RBFOX1: variants seen among roughly 807,000 people sequenced by gnomAD.
RBFOX1 encodes RNA binding protein fox-1 homolog 1.
A neutral mutation model predicts 57.7 loss-of-function variants in RBFOX1; 8 were observed. The observed-to-expected ratio is 0.14, with a 90% CI of 0.08 to 0.25. The LOEUF (loss-of-function observed/expected upper bound fraction) is 0.25, where lower values mean the gene tolerates loss of function less well. Among genes scored for constraint, RBFOX1 ranks in the 10% least tolerant of loss-of-function variants. The pLI, the probability that RBFOX1 is intolerant of heterozygous loss-of-function variation, is 1.00. For synonymous variants in RBFOX1, 326 were observed against 222.4 expected, an observed-to-expected ratio of 1.47 and a Z score of -4.15; for missense variants, 611 against 548.5, an observed-to-expected ratio of 1.11 and a Z score of -1.14.
chr16:6,994,711 C>G (rs564996738), intron 3 of RBFOX1, among the ~76,000 whole-genome samples: 9 of 152,126 alleles, frequency 5.9e-5, no homozygotes, highest in Admixed American at 2.6e-4. Context: ...TTCTGAAAGT[C>G]CTGAAGCTAT....
chr16:6,229,990 A>C (rs1158741873), intron 1 of RBFOX1, among the ~76,000 whole-genome samples: 1 of 152,162 alleles, frequency 6.6e-6, no homozygotes, highest in Non-Finnish European at 1.5e-5. Context: ...TACACAAAAA[A>C]TTGCCTGTTA....
rs550502796 is a variant in RBFOX1, at chr16:6,950,222, C to T, written c.-15-101835C>T. 1.4e-4 allele frequency among the ~76,000 whole-genome samples: 21 copies of T among 151,142 alleles called. No individual in the cohort carries two copies. In the South Asian group the frequency reaches 2.5e-3, roughly 18 times the overall value. Reference sequence around the variant, plus strand: ...ATCCACCTGCCTCAGCCTCCCAAAGCGCCGGGATTACAGGCATGAGCCACC... The same window carrying T: ...ATCCACCTGCCTCAGCCTCCCAAAGTGCCGGGATTACAGGCATGAGCCACC... On this transcript the variant is annotated intron_variant, in intron 3 of 15. Coordinates refer to ENST00000550418, the MANE Select transcript of RBFOX1 (RefSeq NM_018723.4).
intron 4 of RBFOX1, among the ~76,000 whole-genome samples, chr16:7,264,522 G>A (rs185159316): frequency 1.3e-5 from 2 of 152,278 alleles, no homozygotes; most frequent in African/African-American, 2.4e-5. Flanking sequence ...TGCTGACCAC[G>A]TAGTCTCTGC....
At chr16:7,463,607 A>C (rs2150625577) in intron 4 of RBFOX1, among the ~76,000 whole-genome samples, 1 of 152,340 alleles carries the variant, frequency 6.6e-6, no homozygotes, top group Admixed American at 6.5e-5. Flanking sequence ...CTTGGTGTTA[A>C]GATTTCACCA....
chr16:6,885,720 C>G (rs1325565337), intron 3 of RBFOX1, among the ~76,000 whole-genome samples: 1 of 151,992 alleles, frequency 6.6e-6, no homozygotes, highest in Non-Finnish European at 1.5e-5. Context: ...TTAGTAGAGA[C>G]TGGGTTTCAC....
chr16:7,708,115 G>C (rs1439471995), intron 14 of RBFOX1, among the ~76,000 whole-genome samples: 3 of 152,098 alleles, frequency 2.0e-5, no homozygotes, highest in Non-Finnish European at 2.9e-5. Flanking sequence ...GAGGCTGGTA[G>C]ACTACTTGAA....
chr16:7,434,908 T>G (rs1294541655), intron 4 of RBFOX1, among the ~76,000 whole-genome samples: 1 of 151,954 alleles, frequency 6.6e-6, no homozygotes, highest in African/African-American at 2.4e-5. Flanking sequence ...CTGGGCTAAT[T>G]TTTGTATTTT....
At chr16:7,575,284 G>C (rs552158589) in intron 5 of RBFOX1, among the ~76,000 whole-genome samples, 1 of 151,954 alleles carries the variant, frequency 6.6e-6, no homozygotes, top group Admixed American at 6.6e-5. Context: ...ACAGGTGCGC[G>C]CTACCCCACC....
At chr16:6,622,990 A>G (rs1292308397) in intron 2 of RBFOX1, among the ~76,000 whole-genome samples, 1 of 152,216 alleles carries the variant, frequency 6.6e-6, no homozygotes, top group East Asian at 1.9e-4. Flanking sequence ...ATTAAAGATT[A>G]GCTATTTTAA....
At chr16:5,493,641 G>C (rs758463530) in intron 2 of RBFOX1, among the ~76,000 whole-genome samples, 1 of 152,168 alleles carries the variant, frequency 6.6e-6, no homozygotes, top group Admixed American at 6.5e-5. Flanking sequence ...TGACAATACC[G>C]ATCTGTCAAG....
At chr16:7,334,520 C>T (rs1349856076) in intron 4 of RBFOX1, among the ~76,000 whole-genome samples, 3 of 152,148 alleles carry the variant, frequency 2.0e-5, no homozygotes, top group South Asian at 4.1e-4. Context: ...GTGGCCTTCA[C>T]TCTATGCTGA....
At chr16:6,851,094 G>C (rs1410334706) in intron 3 of RBFOX1, among the ~76,000 whole-genome samples, 2 of 152,078 alleles carry the variant, frequency 1.3e-5, no homozygotes, top group African/African-American at 4.8e-5. Context: ...GAAACTCCAG[G>C]GTGAGTTTCA....
intron 5 of RBFOX1, among the ~76,000 whole-genome samples, chr16:7,555,899 T>C (rs2088280194): frequency 1.3e-5 from 2 of 152,280 alleles, no homozygotes; most frequent in South Asian, 4.1e-4. Context: ...CTCTGATTGA[T>C]TAGGTTATGC....
At chr16:5,557,829 G>A (rs528762536) in intron 2 of RBFOX1, among the ~76,000 whole-genome samples, 2 of 152,334 alleles carry the variant, frequency 1.3e-5, no homozygotes, top group African/African-American at 4.8e-5. Flanking sequence ...GTTGCCTTTT[G>A]GCCTGCCATG....
chr16:7,181,937 C>G (rs973355830), intron 4 of RBFOX1, among the ~76,000 whole-genome samples: 3 of 152,000 alleles, frequency 2.0e-5, no homozygotes, highest in Admixed American at 2.0e-4. Flanking sequence ...ACTCAGCCGT[C>G]GAAATACAGG....
chr16:7,010,539 T>C (rs993792233), intron 3 of RBFOX1, among the ~76,000 whole-genome samples: 2 of 149,944 alleles, frequency 1.3e-5, no homozygotes, highest in African/African-American at 4.9e-5. Context: ...CATCTCCCCT[T>C]TTTTTTTTGT....
At chr16:6,850,835 C>G (rs978021728) in intron 3 of RBFOX1, among the ~76,000 whole-genome samples, 14 of 152,288 alleles carry the variant, frequency 9.2e-5, no homozygotes, top group African/African-American at 3.4e-4. Flanking sequence ...TAGAACTAAG[C>G]ATGCACCTCC....
At chr16:5,747,697 T>C (rs1313376098) in intron 3 of RBFOX1, among the ~76,000 whole-genome samples, 1 of 152,230 alleles carries the variant, frequency 6.6e-6, no homozygotes, top group Non-Finnish European at 1.5e-5. Flanking sequence ...TTGATGGTAG[T>C]ATTTCTGTGG....
At chr16:6,325,820 T>C (rs973436608) in intron 2 of RBFOX1, among the ~76,000 whole-genome samples, 1 of 152,260 alleles carries the variant, frequency 6.6e-6, no homozygotes, top group Non-Finnish European at 1.5e-5. Context: ...AATGGTTTTA[T>C]TTTCCTAAAA....
Sources: allele counts gnomAD v4.1 joint callset (sites outside exome capture counted in the v4.1 genomes callset), GRCh38; gene constraint gnomAD v4.1.1; transcripts MANE v1.5; gene names NCBI Gene and HGNC (gene_info 2026-07-23, HGNC 2026-07-21).